Variants in KCND2 observed in about 807,000 individuals in gnomAD.
The protein encoded by KCND2 is A-type voltage-gated potassium channel KCND2.
A neutral mutation model predicts 54.4 loss-of-function variants in KCND2; 16 were observed. The observed-to-expected ratio is 0.29, with a 90% CI of 0.20 to 0.45. The LOEUF is 0.45. KCND2 is among the 20% of genes least tolerant of loss of function. KCND2 has a pLI of 1.00. For missense variants in KCND2, 486 were observed against 824.2 expected (o/e 0.59, Z 5.02); for synonymous variants, 317 against 310.7 (o/e 1.02, Z -0.21).
At chr7:120,678,299 A>G (rs1792091622) in intron 1 of KCND2, among the ~76,000 whole-genome samples, 1 of 147,672 alleles carries the variant, frequency 6.8e-6, no homozygotes, top group Admixed American at 6.8e-5. Flanking sequence ...CTGTAAAAGT[A>G]TGTTTATTAA....
chr7:120,720,831 C>G (rs1792657249), intron 1 of KCND2, among the ~76,000 whole-genome samples: 1 of 152,126 alleles, frequency 6.6e-6, no homozygotes, highest in African/African-American at 2.4e-5. Context: ...CTGTTGTAAA[C>G]ACTTGATGTG....
At chr7:120,420,203 A>G (rs1022970044) in intron 1 of KCND2, among the ~76,000 whole-genome samples, 21 of 152,294 alleles carry the variant, frequency 1.4e-4, no homozygotes, top group Non-Finnish European at 1.9e-4. Context: ...TATTTACTGT[A>G]TAATTATTAA....
intron 1 of KCND2, among the ~76,000 whole-genome samples, chr7:120,547,365 ATTT>A (rs1395632699): frequency 2.0e-4 from 31 of 152,038 alleles, no homozygotes; most frequent in African/African-American, 7.0e-4. Flanking sequence ...TCTGCCTCTG[ATTT>A]AACTCTCTGT....
chr7:120,382,767 T>A (rs536221166), intron 1 of KCND2, among the ~76,000 whole-genome samples: 2 of 151,962 alleles, frequency 1.3e-5, no homozygotes, highest in Admixed American at 1.3e-4. Context: ...GGGTACTTGC[T>A]CAAAATAAAT....
Position 120,318,751 on chromosome 7 carries a change from A to G in KCND2, c.1115+43004A>G, listed in dbSNP as rs553975473. 4.6e-5 allele frequency among the ~76,000 whole-genome samples: 7 copies of G among 152,154 alleles called. No individual in the cohort carries two copies. The East Asian group carries it at 9.6e-4, about 21-fold the overall frequency. ...ACCAGGAACGAAATACTTTTTACCA[A>G]TATAAACAAATGAAGTTCATATTGA... On this transcript the variant is annotated intron_variant, in intron 1 of 5. Transcript: ENST00000331113.
chr7:120,526,983 C>A (rs1360006967), intron 1 of KCND2, among the ~76,000 whole-genome samples: 1 of 152,072 alleles, frequency 6.6e-6, no homozygotes, highest in Non-Finnish European at 1.5e-5. Flanking sequence ...AACAATGGAT[C>A]ATTTTAACTT....
intron 1 of KCND2, among the ~76,000 whole-genome samples, chr7:120,710,612 T>G (rs573718230): frequency 2.0e-5 from 3 of 152,256 alleles, no homozygotes; most frequent in South Asian, 4.1e-4. Context: ...TTCTAGCAAT[T>G]ATACTAAAGT....
At chr7:120,579,704 T>TA (rs199930374) in intron 1 of KCND2, among the ~76,000 whole-genome samples, 58 of 151,294 alleles carry the variant, frequency 3.8e-4, no homozygotes, top group African/African-American at 1.1e-3. Context: ...TTCTTTTTTT[T>TA]AAAAAAAATC....
chr7:120,280,886 G>A (rs541739434), intron 1 of KCND2, among the ~76,000 whole-genome samples: 180 of 152,220 alleles, frequency 1.2e-3, no homozygotes, highest in Non-Finnish European at 1.7e-3. Flanking sequence ...TTCTATTAAT[G>A]TAGTGCATTT....
chr7:120,424,487 A>G (rs1054929150), intron 1 of KCND2, among the ~76,000 whole-genome samples: 2 of 152,226 alleles, frequency 1.3e-5, no homozygotes, highest in East Asian at 1.9e-4. Context: ...AATCACCACA[A>G]ATTAAAGTGG....
chr7:120,330,517 G>A (rs1446333121), intron 1 of KCND2, among the ~76,000 whole-genome samples: 1 of 122,268 alleles, frequency 8.2e-6, no homozygotes, highest in Non-Finnish European at 1.6e-5. Flanking sequence ...GGAGGTGGAG[G>A]TTTCAGTGAG....
intron 1 of KCND2, among the ~76,000 whole-genome samples, chr7:120,468,765 A>C (rs1802414273): frequency 6.6e-6 from 1 of 152,098 alleles, no homozygotes; most frequent in African/African-American, 2.4e-5. Flanking sequence ...TAACGGCTGA[A>C]TTTTAATGTG....
At position 120,580,402 on chromosome 7, in the gene KCND2, A is replaced by T. The variant is rs543488276; in HGVS notation, c.1116-152501A>T. ...GCAAACCGTCTCTCCTCTTTTCCCC[A>T]CTTTCCTCTCTCCTCCACCCCATCT... On this transcript the variant is annotated intron_variant, in intron 1 of 5. Coordinates refer to ENST00000331113, the MANE Select transcript of KCND2 (RefSeq NM_012281.3). 3.3e-5 allele frequency among the ~76,000 whole-genome samples: 5 copies of T among 152,234 alleles called. No individual in the cohort carries two copies. In the South Asian group the frequency reaches 1.0e-3, roughly 32 times the overall value.
chr7:120,599,909 T>C (rs73441841), intron 1 of KCND2, among the ~76,000 whole-genome samples: 3,054 of 152,108 alleles, frequency 0.02, 120 homozygotes, highest in African/African-American at 0.069. Context: ...CACAGTTAAT[T>C]ATGATGTTGA....
intron 1 of KCND2, among the ~76,000 whole-genome samples, chr7:120,436,438 A>G (rs931513059): frequency 6.6e-6 from 1 of 152,234 alleles, no homozygotes; most frequent in Non-Finnish European, 1.5e-5. Context: ...GTTGTCCTAT[A>G]TGTCATTCAT....
chr7:120,747,346 C>T (rs2116194365), intron 5 of KCND2, among the ~76,000 whole-genome samples: 1 of 152,218 alleles, frequency 6.6e-6, no homozygotes, highest in African/African-American at 2.4e-5. Flanking sequence ...TCTCAAACCT[C>T]TCAGAGGTCT....
intron 1 of KCND2, among the ~76,000 whole-genome samples, chr7:120,531,314 C>G (rs1211194584): frequency 6.6e-6 from 1 of 152,082 alleles, no homozygotes; most frequent in Non-Finnish European, 1.5e-5. Flanking sequence ...ACCACCAAAT[C>G]TACTAACCTG....
At chr7:120,637,673 CT>C (rs1793321870) in intron 1 of KCND2, among the ~76,000 whole-genome samples, 1 of 152,046 alleles carries the variant, frequency 6.6e-6, no homozygotes, top group Admixed American at 6.6e-5. Context: ...GATTTAATCA[CT>C]GTTTAGGTGA....
intron 1 of KCND2, among the ~76,000 whole-genome samples, chr7:120,591,593 T>C (rs1313972367): frequency 2.0e-5 from 3 of 151,668 alleles, no homozygotes; most frequent in African/African-American, 7.3e-5. Flanking sequence ...ACTACCTTGC[T>C]TCATACAGAA....
Sources: gnomAD v4.1 joint callset for allele counts (sites outside exome capture counted in the v4.1 genomes callset) on GRCh38, gnomAD v4.1.1 for gene constraint, MANE v1.5 for transcripts, NCBI Gene and HGNC (gene_info 2026-07-23, HGNC 2026-07-21) for gene names.